Variants in MSH3 observed in about 807,000 individuals in gnomAD.
MSH3 encodes DNA mismatch repair protein Msh3.
Under a neutral mutation model 123.3 loss-of-function variants are expected in MSH3, and 106 were observed. The ratio of observed to expected loss-of-function variants is 0.86; its 90% CI spans 0.73 to 1.01. The LOEUF (loss-of-function observed/expected upper bound fraction) is 1.01. Ranked by LOEUF, MSH3 falls within the 50% of genes least tolerant of loss-of-function variation. MSH3 has a pLI of 0.00. For synonymous variants in MSH3, 515 were observed against 481.4 expected, an observed-to-expected ratio of 1.07 and a Z score of -0.91; for missense variants, 1,459 against 1,347.6, an observed-to-expected ratio of 1.08 and a Z score of -1.29.
intron 10 of MSH3, among the ~76,000 whole-genome samples, chr5:80,739,367 C>T (rs1003804328): frequency 6.6e-6 from 1 of 152,190 alleles, no homozygotes; most frequent in African/African-American, 2.4e-5. Context: ...TAATGTTTTA[C>T]ATTTTATAAC....
At chr5:80,867,873 C>A (rs1026882503) in intron 22 of MSH3, among the ~76,000 whole-genome samples, 1 of 152,016 alleles carries the variant, frequency 6.6e-6, no homozygotes, top group South Asian at 2.1e-4. Flanking sequence ...CTGTACGTTG[C>A]CTGTTTACCC....
At position 80,809,639 on chromosome 5, in the gene MSH3, C is replaced by T. The variant is rs993086914; in HGVS notation, c.2656-3945C>T. ...AACAATGCTGTCACAGTTCAGGGAG[C>T]CTTGGCATGACACACGTAACCCTTC... On this transcript the variant is annotated intron_variant, in intron 19 of 23. Coordinates refer to ENST00000265081, the MANE Select transcript of MSH3 (RefSeq NM_002439.5). Among the ~76,000 whole-genome samples, 7 of 152,306 alleles carry T rather than the reference C, an allele frequency of 4.6e-5. No homozygotes were observed. In the East Asian group the frequency reaches 1.3e-3, roughly 29 times the overall value.
chr5:80,704,158 C>T (rs999175258), intron 8 of MSH3, among the ~76,000 whole-genome samples: 14 of 152,158 alleles, frequency 9.2e-5, no homozygotes, highest in South Asian at 4.1e-4. Context: ...GTGCTACCCA[C>T]GCCGCCGTGA....
rs563338833 is a variant in MSH3 at position 80,654,742 on chromosome 5, G to T, written c.15G>T (p.Lys5Asn). ...CTTGCCCTGCCATGTCTCGCCGGAAGCCTGCGTCGGGCGGCCTCGCTGCCT... is the reference window on the plus strand; with the variant it reads ...CTTGCCCTGCCATGTCTCGCCGGAATCCTGCGTCGGGCGGCCTCGCTGCCT... MSRR[K>N]PASGGLAASS... Residue 5 changes from lysine to asparagine, a missense_variant, in exon 1 of 24, where the codon AAG becomes AAT. Coordinates refer to ENST00000265081, the MANE Select transcript of MSH3 (RefSeq NM_002439.5). 3 of 1,601,970 alleles carry T rather than the reference G, an allele frequency of 1.9e-6. No individual in the cohort carries two copies. The Admixed American group carries it at 5.1e-5, about 27-fold the overall frequency.
intron 21 of MSH3, among the ~76,000 whole-genome samples, chr5:80,857,571 C>A (rs914119449): frequency 7.2e-5 from 11 of 152,166 alleles, no homozygotes; most frequent in African/African-American, 2.7e-4. Flanking sequence ...AGATATAGAC[C>A]TATTCAGAAT....
chr5:80,813,844 A>G (rs2112054827), intron 20 of MSH3, 103 bp downstream of exon 20: 1 of 1,263,690 alleles, frequency 7.9e-7, no homozygotes, highest in Non-Finnish European at 1.2e-6. Context: ...CTCTTAAAGC[A>G]CTCAACATTT....
At position 80,849,422 on chromosome 5, in the gene MSH3, G is replaced by C. The variant is rs529425829; in HGVS notation, c.2814-4708G>C. 3.3e-5 allele frequency among the ~76,000 whole-genome samples: 5 copies of C among 152,296 alleles called. No homozygotes were observed. The South Asian group carries it at 1.0e-3, about 32-fold the overall frequency. ...GGCTGTGACCCCACATTTCCCTTCT[G>C]TACTGCCCTAGCAGAGGTTCTCCAT... On this transcript the variant is annotated intron_variant, in intron 20 of 23. Transcript: ENST00000265081.
At chr5:80,681,089 A>T (rs1271304127) in intron 8 of MSH3, among the ~76,000 whole-genome samples, 1 of 152,118 alleles carries the variant, frequency 6.6e-6, no homozygotes, top group African/African-American at 2.4e-5. Flanking sequence ...ATAGTCTAGG[A>T]GGGTTCTTTG....
intron 17 of MSH3, among the ~76,000 whole-genome samples, chr5:80,787,084 G>A (rs1033788710): frequency 4.7e-5 from 2 of 42,804 alleles, no homozygotes; most frequent in Admixed American, 2.5e-4. Context: ...TCTACAATGG[G>A]GTTAATGAGA....
intron 12 of MSH3, among the ~76,000 whole-genome samples, chr5:80,747,350 G>A (rs1275372074): frequency 3.9e-5 from 6 of 151,942 alleles, no homozygotes; most frequent in Non-Finnish European, 2.9e-5. Flanking sequence ...GTTAGGCGCC[G>A]AATCATGTAT....
intron 10 of MSH3, among the ~76,000 whole-genome samples, chr5:80,729,691 C>A (rs1743377802): frequency 6.6e-6 from 1 of 152,040 alleles, no homozygotes; most frequent in African/African-American, 2.4e-5. Context: ...CAGCTTTTTA[C>A]AAGAGTGATT....
chr5:80,831,772 A>C (rs772362533), intron 20 of MSH3, among the ~76,000 whole-genome samples: 1 of 151,936 alleles, frequency 6.6e-6, no homozygotes, highest in Admixed American at 6.6e-5. Flanking sequence ...AGTGAATGGG[A>C]ACATCTTCAG....
chr5:80,823,588 C>G (rs544809229), intron 20 of MSH3, among the ~76,000 whole-genome samples: 1 of 151,402 alleles, frequency 6.6e-6, no homozygotes, highest in Non-Finnish European at 1.5e-5. Context: ...AAACACTGCT[C>G]ATATGGCACT....
intron 8 of MSH3, among the ~76,000 whole-genome samples, chr5:80,680,586 T>A (rs1240793449): frequency 2.0e-5 from 3 of 151,784 alleles, no homozygotes; most frequent in Admixed American, 6.6e-5. Context: ...TTTTTTTTTT[T>A]AACTTTACAA....
chr5:80,722,044 A>G (rs568839145), intron 8 of MSH3, among the ~76,000 whole-genome samples: 1 of 152,210 alleles, frequency 6.6e-6, no homozygotes, highest in Non-Finnish European at 1.5e-5. Flanking sequence ...AAGAAAAAAA[A>G]TATATAAACT....
chr5:80,773,049 A>G (rs1744239408), intron 15 of MSH3, among the ~76,000 whole-genome samples: 1 of 152,156 alleles, frequency 6.6e-6, no homozygotes, highest in Non-Finnish European at 1.5e-5. Context: ...CAGATTGAAT[A>G]GTTGTGGTCC....
At chr5:80,808,027 A>G (rs1002951892) in intron 19 of MSH3, among the ~76,000 whole-genome samples, 1 of 152,208 alleles carries the variant, frequency 6.6e-6, no homozygotes, top group Non-Finnish European at 1.5e-5. Context: ...AGTCCTTTCA[A>G]TAAATTTTAA....
At chr5:80,701,185 A>T (rs890889593) in intron 8 of MSH3, among the ~76,000 whole-genome samples, 1 of 152,206 alleles carries the variant, frequency 6.6e-6, no homozygotes, top group Admixed American at 6.5e-5. Flanking sequence ...AGGCAAAGGG[A>T]AACAGTACGA....
intron 22 of MSH3, 48 bp downstream of exon 22, chr5:80,864,990 A>T (rs1244027518): frequency 6.3e-6 from 10 of 1,594,068 alleles, no homozygotes; most frequent in Non-Finnish European, 8.6e-6. Context: ...TTCATGTTTG[A>T]TAACTCAAAG....
Sources: allele counts gnomAD v4.1 joint callset (sites outside exome capture counted in the v4.1 genomes callset), GRCh38; gene constraint gnomAD v4.1.1; transcripts MANE v1.5; gene names NCBI Gene and HGNC (gene_info 2026-07-23, HGNC 2026-07-21).